The following FNDC3B variants were observed in gnomAD, a reference collection of about 807,000 sequenced individuals.
FNDC3B encodes the protein fibronectin type III domain containing 3B.
Under a neutral mutation model 151.5 loss-of-function variants are expected in FNDC3B, and 12 were observed. That is an observed-to-expected ratio of 0.08 (90% CI 0.05 to 0.13). FNDC3B has a LOEUF of 0.13. Among genes scored for constraint, FNDC3B ranks in the 10% least tolerant of loss-of-function variants. FNDC3B has a pLI of 1.00. For missense variants in FNDC3B, 1,214 were observed against 1,505.3 expected, an observed-to-expected ratio of 0.81 and a Z score of 3.20; for synonymous variants, 528 against 549.0, an observed-to-expected ratio of 0.96 and a Z score of 0.54.
chr3:172,389,503 T>TAAAAACTATTAGAACGTATTAG (rs1560112444), intron 25 of FNDC3B, among the ~76,000 whole-genome samples: 1 of 152,222 alleles, frequency 6.6e-6, no homozygotes, highest in Non-Finnish European at 1.5e-5. Flanking sequence ...TGGATCACTT[T>TAAAAACTATTAGAACGTATTAG]AAAAACTATT....
In FNDC3B at chr3:172,378,259, CCTT is replaced by C. The variant is rs1236433096; in HGVS notation, c.3009-5_3009-3del. On this transcript the variant is annotated splice_polypyrimidine_tract_variant and splice_region_variant and intron_variant, in intron 23 of 25. Coordinates refer to ENST00000415807, the MANE Select transcript of FNDC3B (RefSeq NM_022763.4). ...GTTCAGATGGCTAATTGATTCTGCT[CCTT>C]CTTCTAGGTTTATTTCAATCTACAG... 21 of 1,566,374 alleles carry C rather than the reference CCTT, an allele frequency of 1.3e-5. No homozygotes were observed. Among genetic ancestry groups the C allele is most frequent in the Non-Finnish European group, 1.8e-5 (21 of 1,160,524 alleles).
chr3:172,399,225 T>A lies in FNDC3B; in HGVS notation c.*1750T>A, dbSNP rs1736443091. ...AATCTTTATTTATTGTAAAATTTTTTAAGTGTACTTATGTACTAATTTTCC... is the reference window on the plus strand; with the variant it reads ...AATCTTTATTTATTGTAAAATTTTTAAAGTGTACTTATGTACTAATTTTCC... On this transcript the variant is annotated 3_prime_UTR_variant, in exon 26 of 26. Coordinates refer to ENST00000415807, the MANE Select transcript of FNDC3B (RefSeq NM_022763.4). 1 of 152,652 alleles carries A rather than the reference T, an allele frequency of 6.6e-6. No individual in the cohort carries two copies. Among genetic ancestry groups the A allele is most frequent in the Middle Eastern group, 3.2e-3 (1 of 316 alleles). 9.5% of individuals were successfully genotyped at this position (152,652 alleles called of 1,614,324 possible).
chr3:172,365,876 T>A (rs953967853), intron 23 of FNDC3B, among the ~76,000 whole-genome samples: 1 of 152,110 alleles, frequency 6.6e-6, no homozygotes, highest in East Asian at 1.9e-4. Flanking sequence ...TATTAAAGAG[T>A]TGAGTCGATT....
At position 172,399,405 on chromosome 3, in the gene FNDC3B, A is replaced by G. The variant is rs1309027404; in HGVS notation, c.*1930A>G. The G allele has an allele frequency of 6.6e-6, 1 of 152,594 alleles. No individual in the cohort carries two copies. The highest frequency in any genetic ancestry group is 1.5e-5 in the Non-Finnish European group (1 of 68,022). The allele number at this position is 152,594 out of a possible 1,614,324, so 9.5% of individuals were successfully genotyped here. A position where few individuals can be genotyped will look rare whatever the true frequency, so the allele number is the denominator to read the frequency against. On this transcript the variant is annotated 3_prime_UTR_variant, in exon 26 of 26. Coordinates refer to ENST00000415807, the MANE Select transcript of FNDC3B (RefSeq NM_022763.4). ...GTGCATTAAATGCCAAAAAAAAAATACATTATCAGTGATTGAAACGTTTAC... is the reference window on the plus strand; with the variant it reads ...GTGCATTAAATGCCAAAAAAAAAATGCATTATCAGTGATTGAAACGTTTAC...
At position 172,074,666 on chromosome 3, in the gene FNDC3B, A is replaced by G. The variant is rs78533689; in HGVS notation, c.-29+34895A>G. On this transcript the variant is annotated intron_variant, in intron 1 of 25. Coordinates refer to ENST00000415807, the MANE Select transcript of FNDC3B (RefSeq NM_022763.4). ...GGGTTATACTTTAAGGGCTGAAAAA[A>G]ATAAGGTAATTTAAGCCTGTTTTGA... 5.2e-3 allele frequency among the ~76,000 whole-genome samples: 798 copies of G among 152,306 alleles called. 14 individuals are homozygous for G. Among genetic ancestry groups the G allele is most frequent in the African/African-American group, 0.019 (772 of 41,568 alleles).
intron 1 of FNDC3B, among the ~76,000 whole-genome samples, chr3:172,042,290 G>T (rs1716125941): frequency 6.6e-6 from 1 of 152,196 alleles, no homozygotes; most frequent in Non-Finnish European, 1.5e-5. Flanking sequence ...CTTGAAGAAT[G>T]CTTGGGATCT....
At chr3:172,266,802 A>T (rs1260299808) in intron 6 of FNDC3B, among the ~76,000 whole-genome samples, 1 of 152,178 alleles carries the variant, frequency 6.6e-6, no homozygotes, top group African/African-American at 2.4e-5. Context: ...TCCCATCTGG[A>T]TAACTCAGGA....
chr3:172,188,715 G>A (rs1377611980), intron 3 of FNDC3B, among the ~76,000 whole-genome samples: 1 of 152,118 alleles, frequency 6.6e-6, no homozygotes, highest in African/African-American at 2.4e-5. Context: ...CGAAACTGAA[G>A]TTGTTTAATT....
intron 19 of FNDC3B, among the ~76,000 whole-genome samples, chr3:172,344,876 A>G (rs1336399617): frequency 6.6e-6 from 1 of 152,200 alleles, no homozygotes; most frequent in East Asian, 1.9e-4. Context: ...GGGGAGATGA[A>G]TAATGAGCAG....
chr3:172,041,685 A>G (rs1716083107), intron 1 of FNDC3B, among the ~76,000 whole-genome samples: 1 of 151,970 alleles, frequency 6.6e-6, no homozygotes, highest in Non-Finnish European at 1.5e-5. Context: ...CTGCTGCCGG[A>G]GTTGCTCCTC....
At chr3:172,143,726 T>C in intron 3 of FNDC3B, among the ~76,000 whole-genome samples, 1 of 151,946 alleles carries the variant, frequency 6.6e-6, no homozygotes, top group Non-Finnish European at 1.5e-5. Flanking sequence ...CTGGCCAACA[T>C]GGTGAAACCT....
intron 22 of FNDC3B, among the ~76,000 whole-genome samples, chr3:172,353,386 G>T (rs1294457130): frequency 6.6e-6 from 1 of 152,170 alleles, no homozygotes; most frequent in Non-Finnish European, 1.5e-5. Flanking sequence ...AAGGGCTTTG[G>T]CAATATGTTA....
chr3:172,194,385 ACC>A, intron 3 of FNDC3B, among the ~76,000 whole-genome samples: 1 of 152,272 alleles, frequency 6.6e-6, no homozygotes, highest in Non-Finnish European at 1.5e-5. Flanking sequence ...TTGATGGATG[ACC>A]TTACCTGTCA....
intron 1 of FNDC3B, among the ~76,000 whole-genome samples, chr3:172,055,432 TTATTA>T (rs765741827): frequency 2.8e-4 from 43 of 152,330 alleles, no homozygotes; most frequent in South Asian, 6.2e-4. Context: ...TACCATTTGC[TTATTA>T]TATTCAATTT....
chr3:172,354,000 C>T lies in FNDC3B; in HGVS notation c.2795+917C>T, dbSNP rs1733975440. On this transcript the variant is annotated intron_variant, in intron 22 of 25. Coordinates refer to ENST00000415807, the MANE Select transcript of FNDC3B (RefSeq NM_022763.4). ...CTTTAGATAGTCTTTGCTGGCCAAT[C>T]AATAAATTATAAACTGGACATTACA... Among the ~76,000 whole-genome samples, 3 of 150,974 alleles carry T rather than the reference C, an allele frequency of 2.0e-5. No homozygotes were observed. In the South Asian group the frequency reaches 6.3e-4, roughly 31 times the overall value.
intron 11 of FNDC3B, among the ~76,000 whole-genome samples, chr3:172,311,897 A>G (rs1731522286): frequency 6.6e-6 from 1 of 150,490 alleles, no homozygotes. Context: ...AAAAAAAAAA[A>G]GCAACTGTAC....
intron 1 of FNDC3B, among the ~76,000 whole-genome samples, chr3:172,098,470 AGGTATTTAAGGAATC>A (rs1284948654): frequency 2.0e-5 from 3 of 152,158 alleles, no homozygotes; most frequent in South Asian, 2.1e-4. Context: ...TCGGTATTTA[AGGTATTTAAGGAATC>A]GGTATTTAAG....
chr3:172,323,571 G>T (rs1420268445), intron 11 of FNDC3B, among the ~76,000 whole-genome samples: 4 of 152,120 alleles, frequency 2.6e-5, no homozygotes, highest in East Asian at 1.9e-4. Flanking sequence ...TCTCCCTTGT[G>T]GGGGGAAAAA....
chr3:172,387,129 G>C (rs1560111275), intron 25 of FNDC3B, among the ~76,000 whole-genome samples: 1 of 151,874 alleles, frequency 6.6e-6, no homozygotes, highest in Admixed American at 6.6e-5. Flanking sequence ...GCTAATTTTT[G>C]TATTTTTAGT....
Sources: gnomAD v4.1 joint callset for allele counts (sites outside exome capture counted in the v4.1 genomes callset) on GRCh38, gnomAD v4.1.1 for gene constraint, MANE v1.5 for transcripts, NCBI Gene and HGNC (gene_info 2026-07-23, HGNC 2026-07-21) for gene names.